The following NFE2L3 variants were observed in gnomAD, a reference collection of about 807,000 sequenced individuals.
The protein encoded by NFE2L3 is nuclear factor erythroid 2-related factor 3.
In NFE2L3, 18 loss-of-function variants were observed where a neutral mutation model predicts 23.5. That is an observed-to-expected ratio of 0.77 (90% CI 0.53 to 1.13). The LOEUF is 1.13. NFE2L3 is among the 50% of genes most tolerant of loss of function. The probability of loss-of-function intolerance (pLI) is 0.00; values close to 1 mark genes in which losing one functional copy is unlikely to be tolerated. For missense variants in NFE2L3, 1,152 were observed against 877.2 expected (o/e 1.31, Z -3.96); for synonymous variants, 424 against 354.5 (o/e 1.20, Z -2.20).
intron 1 of NFE2L3, 74 bp downstream of exon 1, chr7:26,153,142 T>G: frequency 7.2e-7 from 1 of 1,386,632 alleles, no homozygotes; most frequent in South Asian, 1.5e-5. Flanking sequence ...GTGTCGGATC[T>G]GAGCAGGGGC....
intron 1 of NFE2L3, among the ~76,000 whole-genome samples, chr7:26,164,114 CAT>C (rs1159463698): frequency 2.0e-5 from 3 of 152,214 alleles, no homozygotes; most frequent in Non-Finnish European, 2.9e-5. Context: ...CCACAATAAA[CAT>C]ATGTGTGCAT....
intron 1 of NFE2L3, among the ~76,000 whole-genome samples, chr7:26,167,349 T>G (rs1204561408): frequency 6.6e-6 from 1 of 152,176 alleles, no homozygotes; most frequent in Admixed American, 6.5e-5. Context: ...GGGCCCAAAC[T>G]GAGAACATTC....
At chr7:26,183,677 TGC>T in intron 2 of NFE2L3, 22 bp from the exon 3 acceptor site, 1 of 1,461,896 alleles carries the variant, frequency 6.8e-7, no homozygotes, top group South Asian at 1.1e-5. Context: ...ATGTGAAAGA[TGC>T]ACTTTTTGTG....
chr7:26,174,170 CAGA>C (rs1784363576), intron 1 of NFE2L3: 1 of 152,142 alleles, frequency 6.6e-6, no homozygotes, highest in African/African-American at 2.4e-5. Flanking sequence ...ATCAGCAAAG[CAGA>C]AGTTCTTGAT....
chr7:26,163,958 C>G (rs1583928555), intron 1 of NFE2L3, among the ~76,000 whole-genome samples: 1 of 152,180 alleles, frequency 6.6e-6, no homozygotes, highest in Non-Finnish European at 1.5e-5. Flanking sequence ...TTTGCAGCTT[C>G]ATCCATGTCC....
intron 1 of NFE2L3, among the ~76,000 whole-genome samples, chr7:26,168,162 A>C (rs1784278477): frequency 6.8e-6 from 1 of 147,966 alleles, no homozygotes; most frequent in Non-Finnish European, 1.5e-5. Context: ...TTTGAGACAG[A>C]GTCATACTCT....
At position 26,164,147 on chromosome 7, in the gene NFE2L3, T is replaced by G. The variant is rs1486552760; in HGVS notation, c.570+11079T>G. ...TGCATGTGTCTTTATAGCAGCATGA[T>G]GTATAATCCTTTGGGTATATACCCA... On this transcript the variant is annotated intron_variant, in intron 1 of 3. Transcript: ENST00000056233. Among the ~76,000 whole-genome samples the G allele has an allele frequency of 2.0e-5, 3 of 152,262 alleles. No homozygotes were observed. The East Asian group carries it at 5.8e-4, about 29-fold the overall frequency.
At chr7:26,156,116 T>C (rs1784078083) in intron 1 of NFE2L3, among the ~76,000 whole-genome samples, 1 of 152,230 alleles carries the variant, frequency 6.6e-6, no homozygotes, top group South Asian at 2.1e-4. Flanking sequence ...TCTGTGACCT[T>C]GGACAAGTTG....
intron 2 of NFE2L3, among the ~76,000 whole-genome samples, chr7:26,181,391 A>C (rs2128100011): frequency 6.6e-6 from 1 of 152,282 alleles, no homozygotes; most frequent in Non-Finnish European, 1.5e-5. Context: ...CCAGTGAATC[A>C]CTGGCATTTC....
In NFE2L3 at chr7:26,182,422, A is replaced by C. The variant is rs374625860; in HGVS notation, c.751-1279A>C. On this transcript the variant is annotated intron_variant, in intron 2 of 3. Coordinates refer to ENST00000056233, the MANE Select transcript of NFE2L3 (RefSeq NM_004289.7). ...GTGGATCACCTGTGGTCAGTAGTTC[A>C]AGACAAGCCTGGCCAACATGGCAAA... is the stretch of plus-strand genomic sequence containing the variant. 1.2e-4 allele frequency among the ~76,000 whole-genome samples: 18 copies of C among 145,732 alleles called. No individual in the cohort carries two copies. The East Asian group carries it at 2.6e-3, about 21-fold the overall frequency.
chr7:26,167,239 C>A (rs1025100256), intron 1 of NFE2L3, among the ~76,000 whole-genome samples: 5 of 152,032 alleles, frequency 3.3e-5, no homozygotes, highest in African/African-American at 1.2e-4. Context: ...AAGAAAAGAC[C>A]CATATAATTT....
chr7:26,153,021 G>A lies in NFE2L3; in HGVS notation c.523G>A (p.Ala175Thr), dbSNP rs778579866. The part of the protein sequence containing the change: ...LDAGEEEKAP[A>T]EPTAQVPDAG... Reference sequence around the variant, plus strand: ...CGCCGGGGAAGAGGAGAAGGCACCCGCGGAACCGACGGCTCAGGTGCCGGA... The same window carrying A: ...CGCCGGGGAAGAGGAGAAGGCACCCACGGAACCGACGGCTCAGGTGCCGGA... The change falls in exon 1 of 4, where the codon GCG becomes ACG. Residue 175 changes from alanine (A) to threonine (T), a missense_variant. Transcript: ENST00000056233. 9 of 1,524,782 alleles carry A rather than the reference G, an allele frequency of 5.9e-6. No homozygotes were observed. In the South Asian group the frequency reaches 8.4e-5, roughly 14 times the overall value. 94.5% of individuals were successfully genotyped at this position (1,524,782 alleles called of 1,614,324 possible).
intron 1 of NFE2L3, among the ~76,000 whole-genome samples, chr7:26,157,358 T>A (rs896817713): frequency 8.6e-5 from 13 of 151,808 alleles, no homozygotes; most frequent in Admixed American, 7.2e-4. Context: ...TTTTTTTTTT[T>A]AATAGAAATA....
chr7:26,168,277 C>T (rs1784280433), intron 1 of NFE2L3, among the ~76,000 whole-genome samples: 1 of 151,756 alleles, frequency 6.6e-6, no homozygotes, highest in Admixed American at 6.6e-5. Flanking sequence ...GCTGGGACTA[C>T]AGGCACACGC....
chr7:26,182,144 G>GAAACAGAACGTCAAGAACT, intron 2 of NFE2L3, among the ~76,000 whole-genome samples: 1 of 152,034 alleles, frequency 6.6e-6, no homozygotes, highest in African/African-American at 2.4e-5. Context: ...ATACCAGATT[G>GAAACAGAACGTCAAGAACT]AAACAGAACG....
At chr7:26,183,618 G>A in intron 2 of NFE2L3, 83 bp from the exon 3 acceptor site, 1 of 803,134 alleles carries the variant, frequency 1.2e-6, no homozygotes, top group South Asian at 1.5e-5. Flanking sequence ...AATAATACCT[G>A]GTGATCCTTT....
intron 1 of NFE2L3, chr7:26,173,600 A>G (rs564233779): frequency 1.3e-5 from 2 of 152,370 alleles, no homozygotes; most frequent in East Asian, 1.9e-4. Context: ...TTACCTTGGC[A>G]AAAGATGAGA....
At chr7:26,153,620 G>A (rs1784033651) in intron 1 of NFE2L3, among the ~76,000 whole-genome samples, 2 of 152,220 alleles carry the variant, frequency 1.3e-5, no homozygotes, top group Admixed American at 6.5e-5. Context: ...CGGTCCCCCT[G>A]TGACCTAACC....
At chr7:26,175,793 AAT>A (rs1457276877) in intron 1 of NFE2L3, among the ~76,000 whole-genome samples, 3 of 151,510 alleles carry the variant, frequency 2.0e-5, no homozygotes, top group Non-Finnish European at 4.4e-5. Flanking sequence ...AAAAAAAAAA[AAT>A]AGTTTCCATA....
Sources: gnomAD v4.1 joint callset for allele counts (sites outside exome capture counted in the v4.1 genomes callset) on GRCh38, gnomAD v4.1.1 for gene constraint, MANE v1.5 for transcripts, NCBI Gene and HGNC (gene_info 2026-07-23, HGNC 2026-07-21) for gene names.